CREB5: variants seen among roughly 807,000 people sequenced by gnomAD.
The protein encoded by CREB5 is cyclic AMP-responsive element-binding protein 5.
A neutral mutation model predicts 57.1 loss-of-function variants in CREB5; 19 were observed. The observed-to-expected ratio is 0.33, with a 90% CI of 0.23 to 0.49. The LOEUF (loss-of-function observed/expected upper bound fraction) is 0.49. Among genes scored for constraint, CREB5 ranks in the 20% least tolerant of loss-of-function variants. The pLI, the probability that CREB5 is intolerant of heterozygous loss-of-function variation, is 0.99. For missense variants in CREB5, 579 were observed against 671.6 expected (o/e 0.86, Z 1.52); for synonymous variants, 238 against 238.3 (o/e 1.00, Z 0.01).
chr7:28,686,078 T>C, intron 5 of CREB5: 4 of 1,552,396 alleles, frequency 2.6e-6, no homozygotes, highest in South Asian at 1.1e-5. Context: ...TGGAATCAAA[T>C]GGGAAGGATA....
chr7:28,380,545 GA>G (rs985720508), intron 1 of CREB5, among the ~76,000 whole-genome samples: 3 of 152,204 alleles, frequency 2.0e-5, no homozygotes, highest in African/African-American at 7.2e-5. Context: ...TTGAGAAAAA[GA>G]AGGTAAACAT....
intron 1 of CREB5, among the ~76,000 whole-genome samples, chr7:28,439,470 T>C (rs1386459007): frequency 6.6e-6 from 1 of 152,158 alleles, no homozygotes; most frequent in Non-Finnish European, 1.5e-5. Flanking sequence ...ATCCCTATAA[T>C]AGCCAGTTAA....
chr7:28,622,259 TCACACACACACACACA>T (rs4000593), intron 5 of CREB5, among the ~76,000 whole-genome samples: 1 of 142,788 alleles, frequency 7.0e-6, no homozygotes, highest in Non-Finnish European at 1.5e-5. Flanking sequence ...TCTCTCTCTC[TCACACACACACACACA>T]CACACACACA....
At chr7:28,765,170 A>G (rs1323560867) in intron 7 of CREB5, among the ~76,000 whole-genome samples, 1 of 152,198 alleles carries the variant, frequency 6.6e-6, no homozygotes, top group Non-Finnish European at 1.5e-5. Context: ...TTTACCTTTC[A>G]TCTATTGTGA....
intron 7 of CREB5, among the ~76,000 whole-genome samples, chr7:28,777,330 A>G (rs993505441): frequency 6.6e-6 from 1 of 152,184 alleles, no homozygotes; most frequent in Non-Finnish European, 1.5e-5. Flanking sequence ...TCATTTTGTG[A>G]ATGAAATAGT....
chr7:28,392,046 C>G (rs182968470), intron 1 of CREB5, among the ~76,000 whole-genome samples: 13 of 152,264 alleles, frequency 8.5e-5, no homozygotes, highest in African/African-American at 2.9e-4. Flanking sequence ...ACCGCATGTT[C>G]TCACTTGTAA....
intron 7 of CREB5, among the ~76,000 whole-genome samples, chr7:28,793,885 G>A (rs1326123036): frequency 6.6e-6 from 1 of 152,218 alleles, no homozygotes; most frequent in African/African-American, 2.4e-5. Flanking sequence ...GGGATTTGGG[G>A]ATGTGTAGCA....
chr7:28,654,586 T>A (rs144651394), intron 5 of CREB5, among the ~76,000 whole-genome samples: 1 of 152,364 alleles, frequency 6.6e-6, no homozygotes, highest in East Asian at 1.9e-4. Context: ...ATCATCCATT[T>A]ACCTTTTCTG....
chr7:28,662,882 C>G (rs1453863880), intron 5 of CREB5, among the ~76,000 whole-genome samples: 4 of 152,104 alleles, frequency 2.6e-5, no homozygotes, highest in Non-Finnish European at 5.9e-5. Context: ...CGCAGTGGCT[C>G]ACACCTGTAA....
chr7:28,486,741 A>G (rs1393271681), intron 1 of CREB5, among the ~76,000 whole-genome samples: 1 of 137,192 alleles, frequency 7.3e-6, no homozygotes, highest in East Asian at 2.1e-4. Context: ...CTATACTTAC[A>G]TTGGCTTTTG....
chr7:28,818,932 G>A, intron 10 of CREB5, 184 bp from the exon 11 acceptor site: 2 of 649,708 alleles, frequency 3.1e-6, no homozygotes, highest in Admixed American at 2.9e-5. Flanking sequence ...AACTGGAAAG[G>A]CATAGCATTG....
At chr7:28,680,385 C>T (rs902217086) in intron 5 of CREB5, among the ~76,000 whole-genome samples, 13 of 152,180 alleles carry the variant, frequency 8.5e-5, no homozygotes, top group African/African-American at 3.1e-4. Flanking sequence ...CTCCACTCAA[C>T]ACCAGAACAT....
intron 7 of CREB5, among the ~76,000 whole-genome samples, chr7:28,797,741 A>C (rs1248620333): frequency 6.6e-6 from 1 of 152,198 alleles, no homozygotes; most frequent in Non-Finnish European, 1.5e-5. Context: ...GGCCATTTAC[A>C]GTTGTTAAAT....
At chr7:28,580,895 G>C (rs1326664060) in intron 5 of CREB5, among the ~76,000 whole-genome samples, 1 of 152,040 alleles carries the variant, frequency 6.6e-6, no homozygotes, top group Non-Finnish European at 1.5e-5. Context: ...GCTTCAAATT[G>C]AATGAAAACT....
intron 4 of CREB5, among the ~76,000 whole-genome samples, chr7:28,521,646 A>G (rs1261475965): frequency 6.6e-6 from 1 of 152,194 alleles, no homozygotes; most frequent in African/African-American, 2.4e-5. Flanking sequence ...TTAAAACAGC[A>G]AATAGCTCTT....
intron 5 of CREB5, among the ~76,000 whole-genome samples, chr7:28,643,881 G>A (rs1798787674): frequency 6.6e-6 from 1 of 152,028 alleles, no homozygotes; most frequent in Admixed American, 6.6e-5. Flanking sequence ...AGGAGTTCAA[G>A]ACCAGCATGG....
At chr7:28,636,598 C>T (rs918798717) in intron 5 of CREB5, among the ~76,000 whole-genome samples, 8 of 152,288 alleles carry the variant, frequency 5.3e-5, no homozygotes, top group East Asian at 3.9e-4. Context: ...ATAGATACTA[C>T]GCCTGCCTAT....
At chr7:28,790,617 A>C (rs1406395301) in intron 7 of CREB5, among the ~76,000 whole-genome samples, 2 of 152,264 alleles carry the variant, frequency 1.3e-5, no homozygotes, top group African/African-American at 4.8e-5. Context: ...TGGTCCCATC[A>C]GTTAGTCAGA....
At chr7:28,520,605 C>T (rs1269263743) in intron 4 of CREB5, among the ~76,000 whole-genome samples, 2 of 152,198 alleles carry the variant, frequency 1.3e-5, no homozygotes, top group Non-Finnish European at 2.9e-5. Context: ...CATATTTCAG[C>T]AATGCCGAGC....
Sources: allele counts gnomAD v4.1 joint callset (sites outside exome capture counted in the v4.1 genomes callset), GRCh38; gene constraint gnomAD v4.1.1; transcripts MANE v1.5; gene names NCBI Gene and HGNC (gene_info 2026-07-23, HGNC 2026-07-21).